Variants in BMPR1A observed in about 807,000 individuals in gnomAD.
BMPR1A encodes bone morphogenetic protein receptor type-1A.
A neutral mutation model predicts 66.0 loss-of-function variants in BMPR1A; 7 were observed. The observed-to-expected ratio is 0.11, with a 90% confidence interval of 0.06 to 0.20. BMPR1A has a LOEUF of 0.20. Ranked by LOEUF, BMPR1A falls within the 10% of genes least tolerant of loss-of-function variation. The pLI is 1.00. For missense variants in BMPR1A, 408 were observed against 669.1 expected, an observed-to-expected ratio of 0.61 and a Z score of 4.31; for synonymous variants, 200 against 229.7, an observed-to-expected ratio of 0.87 and a Z score of 1.17.
intron 10 of BMPR1A, among the ~76,000 whole-genome samples, chr10:86,920,928 T>C (rs1265117561): frequency 1.3e-5 from 2 of 149,250 alleles, no homozygotes; most frequent in African/African-American, 5.0e-5. Flanking sequence ...TGGTCTCGGC[T>C]CACTGCAGTC....
At chr10:86,772,965 A>G (rs545289813) in intron 1 of BMPR1A, among the ~76,000 whole-genome samples, 18 of 152,256 alleles carry the variant, frequency 1.2e-4, no homozygotes, top group African/African-American at 4.3e-4. Context: ...AAATTCTACA[A>G]TGTTTCTACT....
At chr10:86,866,533 T>C (rs1271987939) in intron 2 of BMPR1A, among the ~76,000 whole-genome samples, 8 of 150,356 alleles carry the variant, frequency 5.3e-5, no homozygotes, top group Admixed American at 4.7e-4. Context: ...CTCAGCCTCC[T>C]GAGTAGCTGG....
intron 1 of BMPR1A, among the ~76,000 whole-genome samples, chr10:86,833,881 C>A (rs1842306524): frequency 6.6e-6 from 1 of 152,148 alleles, no homozygotes; most frequent in African/African-American, 2.4e-5. Context: ...TGAAAAGATA[C>A]ACGTTAAGAT....
At chr10:86,860,274 T>G (rs1842695480) in intron 2 of BMPR1A, among the ~76,000 whole-genome samples, 1 of 152,190 alleles carries the variant, frequency 6.6e-6, no homozygotes, top group Admixed American at 6.5e-5. Flanking sequence ...TGGAAATACT[T>G]CACAGTGTTA....
At chr10:86,865,101 C>CAT (rs1396556814) in intron 2 of BMPR1A, among the ~76,000 whole-genome samples, 1 of 152,174 alleles carries the variant, frequency 6.6e-6, no homozygotes, top group Admixed American at 6.5e-5. Flanking sequence ...GTGACTTGCA[C>CAT]ATATACGCCC....
rs1341015567 is a variant in BMPR1A at position 86,912,254 on chromosome 10, G to A, written c.545G>A (p.Ser182Asn). The A allele has an allele frequency of 1.2e-6, 2 of 1,613,514 alleles. No individual in the cohort carries two copies. Among genetic ancestry groups the A allele is most frequent in the Admixed American group, 1.7e-5 (1 of 60,002 alleles). The change falls in exon 8 of 13, where the codon AGC becomes AAC. Residue 182 changes from serine (S) to asparagine (N), a missense_variant. Ser to Asn is a conservative substitution (Grantham distance 46). Transcript: ENST00000372037. ...TTTTTTAAAAGACATTATTGCAAGA[G>A]CATCTCAAGCAGACGTCGTTACAAT... ...SCFCYKHYCK[S>N]ISSRRRYNRD...
chr10:86,823,071 C>T (rs1842143712), intron 1 of BMPR1A, among the ~76,000 whole-genome samples: 2 of 152,144 alleles, frequency 1.3e-5, no homozygotes, highest in African/African-American at 4.8e-5. Context: ...AAATGGAACT[C>T]GGTAAATATT....
chr10:86,884,197 G>A (rs6586040), intron 3 of BMPR1A, among the ~76,000 whole-genome samples: 5,916 of 151,296 alleles, frequency 0.039, 277 homozygotes, highest in African/African-American at 0.11. Flanking sequence ...CGATCCTTCC[G>A]CCTCAGCCAC....
chr10:86,911,985 A>G (rs1235132049), intron 7 of BMPR1A, among the ~76,000 whole-genome samples: 2 of 152,164 alleles, frequency 1.3e-5, no homozygotes, highest in African/African-American at 4.8e-5. Context: ...AGCTAGGATG[A>G]CACTTCACAT....
intron 1 of BMPR1A, among the ~76,000 whole-genome samples, chr10:86,804,936 T>A (rs1436156706): frequency 6.6e-6 from 1 of 151,978 alleles, no homozygotes; most frequent in Non-Finnish European, 1.5e-5. Flanking sequence ...CGCAGAGCCA[T>A]GCTCCCTTTA....
intron 1 of BMPR1A, among the ~76,000 whole-genome samples, chr10:86,814,742 A>G (rs1842010490): frequency 6.6e-6 from 1 of 150,718 alleles, no homozygotes; most frequent in African/African-American, 2.4e-5. Flanking sequence ...TGTAAGGAGG[A>G]TGTTGTTTTG....
chr10:86,893,649 G>A (rs1397523292), intron 5 of BMPR1A, among the ~76,000 whole-genome samples: 3 of 152,106 alleles, frequency 2.0e-5, no homozygotes, highest in East Asian at 1.9e-4. Context: ...TTAGCTGGAC[G>A]TGGTGGCGGG....
intron 2 of BMPR1A, among the ~76,000 whole-genome samples, chr10:86,849,931 T>C (rs969156701): frequency 6.6e-6 from 1 of 152,280 alleles, no homozygotes; most frequent in South Asian, 2.1e-4. Flanking sequence ...GAACAATAAA[T>C]ATATTTTGGG....
chr10:86,830,074 T>TG (rs2133061750), intron 1 of BMPR1A, among the ~76,000 whole-genome samples: 1 of 152,144 alleles, frequency 6.6e-6, no homozygotes, highest in African/African-American at 2.4e-5. Context: ...CATGGGGAAG[T>TG]GGGAATTTGT....
At chr10:86,775,795 G>T (rs964704149) in intron 1 of BMPR1A, among the ~76,000 whole-genome samples, 2 of 152,024 alleles carry the variant, frequency 1.3e-5, no homozygotes, top group African/African-American at 4.8e-5. Context: ...GTTACTGTAT[G>T]TATCTTCCTA....
intron 1 of BMPR1A, among the ~76,000 whole-genome samples, chr10:86,765,623 C>G (rs1238321236): frequency 6.6e-6 from 1 of 151,974 alleles, no homozygotes; most frequent in Non-Finnish European, 1.5e-5. Context: ...TTACTACAAA[C>G]CTTCTCAGAA....
chr10:86,893,787 CAA>C (rs57732446), intron 5 of BMPR1A, among the ~76,000 whole-genome samples: 2 of 133,448 alleles, frequency 1.5e-5, no homozygotes, highest in Admixed American at 7.4e-5. Context: ...GACTCTGTCT[CAA>C]AAAAAAAAAA....
chr10:86,797,048 C>G (rs11202187), intron 1 of BMPR1A, among the ~76,000 whole-genome samples: 1 of 142,200 alleles, frequency 7.0e-6, no homozygotes, highest in African/African-American at 2.6e-5. Flanking sequence ...CTTATTTTTC[C>G]TTTCTTTTTC....
intron 1 of BMPR1A, among the ~76,000 whole-genome samples, chr10:86,811,022 G>A (rs1045484262): frequency 2.0e-5 from 3 of 152,028 alleles, no homozygotes; most frequent in Non-Finnish European, 4.4e-5. Context: ...CACAGCACCC[G>A]GCCCGTTTTT....
Sources: gnomAD v4.1 joint callset for allele counts (sites outside exome capture counted in the v4.1 genomes callset) on GRCh38, gnomAD v4.1.1 for gene constraint, MANE v1.5 for transcripts, NCBI Gene and HGNC (gene_info 2026-07-23, HGNC 2026-07-21) for gene names.